Variants in PHACTR1 observed in about 807,000 individuals in gnomAD.
The protein encoded by PHACTR1 is phosphatase and actin regulator 1.
PHACTR1 carries 16 observed loss-of-function variants against 69.2 expected under a neutral mutation model. That is an observed-to-expected ratio of 0.23 (90% CI 0.16 to 0.35). The LOEUF is 0.35. Among genes scored for constraint, PHACTR1 ranks in the 10% least tolerant of loss-of-function variants. The pLI, the probability that PHACTR1 is intolerant of heterozygous loss-of-function variation, is 1.00. For synonymous variants in PHACTR1, 312 were observed against 284.5 expected (o/e 1.10, Z -0.97); for missense variants, 510 against 734.7 (o/e 0.69, Z 3.54).
chr6:12,972,166 G>A (rs1794292739), intron 4 of PHACTR1, among the ~76,000 whole-genome samples: 2 of 152,324 alleles, frequency 1.3e-5, no homozygotes, highest in South Asian at 4.1e-4. Flanking sequence ...TACCTGTGAG[G>A]TAATTAGGAC....
At chr6:13,007,717 A>G (rs1434560342) in intron 4 of PHACTR1, among the ~76,000 whole-genome samples, 1 of 141,182 alleles carries the variant, frequency 7.1e-6, no homozygotes, top group Non-Finnish European at 1.5e-5. Context: ...TCTTCTCATC[A>G]GTGGTAATGT....
At chr6:12,940,133 T>C (rs192906432) in intron 4 of PHACTR1, among the ~76,000 whole-genome samples, 1 of 152,318 alleles carries the variant, frequency 6.6e-6, no homozygotes, top group African/African-American at 2.4e-5. Context: ...CATCACAGCC[T>C]CTGCGACACA....
At chr6:12,972,509 A>G (rs909650590) in intron 4 of PHACTR1, among the ~76,000 whole-genome samples, 1 of 152,182 alleles carries the variant, frequency 6.6e-6, no homozygotes, top group Non-Finnish European at 1.5e-5. Flanking sequence ...AGGTATAGGC[A>G]TAGCTGGATC....
intron 8 of PHACTR1, among the ~76,000 whole-genome samples, chr6:13,219,756 A>G (rs1768307410): frequency 6.6e-6 from 1 of 152,226 alleles, no homozygotes; most frequent in South Asian, 2.1e-4. Flanking sequence ...GGATTGTGTG[A>G]ACATCTGTTA....
intron 10 of PHACTR1, among the ~76,000 whole-genome samples, chr6:13,251,803 T>A (rs969303787): frequency 2.0e-5 from 3 of 151,426 alleles, no homozygotes; most frequent in African/African-American, 7.3e-5. Context: ...ATATATATAA[T>A]AAGGGGATTG....
intron 10 of PHACTR1, among the ~76,000 whole-genome samples, chr6:13,231,683 C>A (rs1771237928): frequency 6.6e-6 from 1 of 152,206 alleles, no homozygotes; most frequent in Non-Finnish European, 1.5e-5. Flanking sequence ...CAGACATGGG[C>A]ATAGCTTTAT....
At chr6:13,160,392 T>A (rs1758817014) in intron 6 of PHACTR1, 108 bp downstream of exon 6, 1 of 1,001,828 alleles carries the variant, frequency 1.0e-6, no homozygotes, top group East Asian at 2.4e-5. Flanking sequence ...ATATCAGGAT[T>A]TGAACCATTA....
At chr6:13,013,773 T>G (rs1411159972) in intron 4 of PHACTR1, among the ~76,000 whole-genome samples, 2 of 150,020 alleles carry the variant, frequency 1.3e-5, no homozygotes, top group Admixed American at 1.3e-4. Flanking sequence ...GCGGCGGTGC[T>G]TATATAGAGC....
chr6:12,929,875 C>T (rs966233454), intron 4 of PHACTR1, among the ~76,000 whole-genome samples: 4 of 152,164 alleles, frequency 2.6e-5, no homozygotes, highest in Non-Finnish European at 4.4e-5. Flanking sequence ...TTCCTGCTTG[C>T]GTAACCATTG....
At chr6:13,124,501 C>T (rs771879638) in intron 5 of PHACTR1, among the ~76,000 whole-genome samples, 2 of 152,214 alleles carry the variant, frequency 1.3e-5, no homozygotes, top group Non-Finnish European at 2.9e-5. Context: ...TCATACCCCC[C>T]TCACCTGTGG....
intron 7 of PHACTR1, among the ~76,000 whole-genome samples, chr6:13,188,605 A>G (rs1303828970): frequency 2.0e-5 from 3 of 152,214 alleles, no homozygotes; most frequent in East Asian, 3.8e-4. Context: ...CAGTCAGGGA[A>G]AGTCATGCAG....
chr6:13,053,944 A>C lies in PHACTR1; in HGVS notation c.415+415A>C, dbSNP rs113765106. Among the ~76,000 whole-genome samples, 1,139 of 152,334 alleles carry C rather than the reference A, an allele frequency of 7.5e-3. 8 individuals carry two copies. The highest frequency in any genetic ancestry group is 0.013 in the Non-Finnish European group (890 of 68,016). The stretch of plus-strand genomic sequence containing the variant: ...CTGGCAGATAAGAATAGGTTATTTC[A>C]TGGAGGAAAAACCTTGAATAAGTGA... On this transcript the variant is annotated intron_variant, in intron 5 of 14. Transcript: ENST00000332995.
rs151086056 is a variant in PHACTR1 at position 13,132,505 on chromosome 6, G to T, written c.416-27699G>T. Reference sequence around the variant, plus strand: ...CTAAGTGTCTATTCACGATGTCATGGTTTGTGACATAGTGATGGTGATTCC... The same window carrying T: ...CTAAGTGTCTATTCACGATGTCATGTTTTGTGACATAGTGATGGTGATTCC... On this transcript the variant is annotated intron_variant, in intron 5 of 14. Coordinates refer to ENST00000332995, the MANE Select transcript of PHACTR1 (RefSeq NM_030948.6). Among the ~76,000 whole-genome samples the T allele has an allele frequency of 4.3e-3, 659 of 152,218 alleles. 8 individuals carry two copies. The highest frequency in any genetic ancestry group is 0.015 in the African/African-American group (616 of 41,520).
chr6:13,005,184 TCTC>T (rs946491093), intron 4 of PHACTR1, among the ~76,000 whole-genome samples: 6 of 151,000 alleles, frequency 4.0e-5, no homozygotes, highest in Non-Finnish European at 7.4e-5. Flanking sequence ...AATCTCTCTC[TCTC>T]TTTTTTCTTT....
intron 4 of PHACTR1, among the ~76,000 whole-genome samples, chr6:13,025,332 T>C (rs4132045): frequency 0.7 from 105,787 of 152,112 alleles, 39,008 homozygotes; most frequent in East Asian, 0.88. Flanking sequence ...AGAAGAGTTA[T>C]TCTTTGGAAA....
intron 4 of PHACTR1, among the ~76,000 whole-genome samples, chr6:12,951,890 G>A (rs1791337536): frequency 6.6e-6 from 1 of 152,162 alleles, no homozygotes; most frequent in African/African-American, 2.4e-5. Flanking sequence ...ACAAGAGTTT[G>A]TTAAACCTTT....
At chr6:12,808,657 T>C (rs938706337) in intron 4 of PHACTR1, among the ~76,000 whole-genome samples, 2 of 152,222 alleles carry the variant, frequency 1.3e-5, no homozygotes, top group African/African-American at 2.4e-5. Context: ...ATCCCACTTC[T>C]AGAAAATAAT....
intron 10 of PHACTR1, among the ~76,000 whole-genome samples, chr6:13,265,764 T>A (rs1048259287): frequency 6.6e-6 from 1 of 152,140 alleles, no homozygotes; most frequent in African/African-American, 2.4e-5. Flanking sequence ...GACATTTTAG[T>A]CCTCATCCTA....
At chr6:13,039,718 A>T (rs1021207625) in intron 4 of PHACTR1, among the ~76,000 whole-genome samples, 2 of 152,232 alleles carry the variant, frequency 1.3e-5, no homozygotes, top group African/African-American at 4.8e-5. Flanking sequence ...TTTAATTCAG[A>T]AACCAATTGA....
Sources: allele counts gnomAD v4.1 joint callset (sites outside exome capture counted in the v4.1 genomes callset), GRCh38; gene constraint gnomAD v4.1.1; transcripts MANE v1.5; gene names NCBI Gene and HGNC (gene_info 2026-07-23, HGNC 2026-07-21).